Variants in MYRFL observed in about 807,000 individuals in gnomAD.
MYRFL encodes myelin regulatory factor like, also known as myelin regulatory factor-like protein.
Under a neutral mutation model 109.4 loss-of-function variants are expected in MYRFL, and 88 were observed. The observed-to-expected ratio is 0.80, with a 90% CI of 0.68 to 0.96. The LOEUF (loss-of-function observed/expected upper bound fraction) is 0.96, where lower values mean the gene tolerates loss of function less well. Among genes scored for constraint, MYRFL ranks in the 40% least tolerant of loss-of-function variants. The probability of loss-of-function intolerance (pLI) is 0.00; values close to 1 mark genes in which losing one functional copy is unlikely to be tolerated. For missense variants in MYRFL, 957 were observed against 954.9 expected, an observed-to-expected ratio of 1.00 and a Z score of -0.03; for synonymous variants, 324 against 320.9, an observed-to-expected ratio of 1.01 and a Z score of -0.10.
intron 2 of MYRFL, among the ~76,000 whole-genome samples, chr12:69,870,954 AT>A: frequency 6.6e-6 from 1 of 152,164 alleles, no homozygotes; most frequent in Admixed American, 6.5e-5. Context: ...TTTAATTGTG[AT>A]TTTCAGTTTT....
At chr12:69,927,056 T>C (rs1324022664) in intron 14 of MYRFL, among the ~76,000 whole-genome samples, 1 of 148,978 alleles carries the variant, frequency 6.7e-6, no homozygotes, top group Non-Finnish European at 1.5e-5. Flanking sequence ...GGGATTCTCC[T>C]GCCTCAACCT....
chr12:69,879,988 G>T (rs555528419), intron 4 of MYRFL, among the ~76,000 whole-genome samples: 8 of 152,090 alleles, frequency 5.3e-5, no homozygotes, highest in Non-Finnish European at 1.0e-4. Context: ...TGAGTCCTCT[G>T]CCATTATAAA....
At chr12:69,852,117 C>G (rs1330865505) in intron 1 of MYRFL, among the ~76,000 whole-genome samples, 1 of 152,186 alleles carries the variant, frequency 6.6e-6, no homozygotes, top group Non-Finnish European at 1.5e-5. Flanking sequence ...TTCCCTGATT[C>G]AGATGCCTGT....
chr12:69,927,487 A>G (rs1043293456), intron 14 of MYRFL, among the ~76,000 whole-genome samples, 198 bp from the exon 15 acceptor site: 1 of 152,148 alleles, frequency 6.6e-6, no homozygotes, highest in Non-Finnish European at 1.5e-5. Context: ...GAGAAATACA[A>G]TGTTTAATTC....
chr12:69,911,379 AAAGATT>A (rs1314357440), intron 13 of MYRFL, among the ~76,000 whole-genome samples: 1 of 152,234 alleles, frequency 6.6e-6, no homozygotes, highest in Non-Finnish European at 1.5e-5. Flanking sequence ...TAGAATGATT[AAAGATT>A]AAGTGAAGTG....
At chr12:69,870,512 C>G (rs1262539768) in intron 2 of MYRFL, among the ~76,000 whole-genome samples, 8 of 152,104 alleles carry the variant, frequency 5.3e-5, no homozygotes, top group African/African-American at 1.9e-4. Context: ...ATGTGCATTT[C>G]TGGGATTCTT....
chr12:69,928,798 G>A (rs1490507020), intron 15 of MYRFL, among the ~76,000 whole-genome samples: 1 of 152,142 alleles, frequency 6.6e-6, no homozygotes, highest in Non-Finnish European at 1.5e-5. Flanking sequence ...CACATAGTAG[G>A]TTAGTCAATA....
At chr12:69,904,083 T>C in intron 11 of MYRFL, 1 of 417,796 alleles carries the variant, frequency 2.4e-6, no homozygotes, top group Non-Finnish European at 4.3e-6. Flanking sequence ...AGACAGCATG[T>C]CATTGGCCTC....
At chr12:69,840,590 A>G (rs1157088085) in intron 1 of MYRFL, among the ~76,000 whole-genome samples, 1 of 152,206 alleles carries the variant, frequency 6.6e-6, no homozygotes, top group East Asian at 1.9e-4. Flanking sequence ...TGCCTAGCAC[A>G]CTGCTCTTCA....
chr12:69,900,673 A>G lies in MYRFL; in HGVS notation c.1183-2971A>G, dbSNP rs569738376. On this transcript the variant is annotated intron_variant, in intron 10 of 24. Transcript: ENST00000552032. ...CCTAAGAGCTGCCTTCCTCAGGTCA[A>G]GCTCTTCTATTAGTTCATTGGCTGC... Among the ~76,000 whole-genome samples the G allele has an allele frequency of 1.6e-4, 24 of 152,318 alleles. No homozygotes were observed. The South Asian group carries it at 3.7e-3, about 24-fold the overall frequency.
intron 13 of MYRFL, among the ~76,000 whole-genome samples, chr12:69,913,552 T>A (rs563024171): frequency 6.6e-6 from 1 of 152,348 alleles, no homozygotes; most frequent in East Asian, 1.9e-4. Flanking sequence ...TTGAAAAGAC[T>A]GTCCTTTTCC....
At position 69,909,936 on chromosome 12, in the gene MYRFL, C is replaced by T. The variant is rs761320260; in HGVS notation, c.1384-33C>T. 8.9e-5 allele frequency: 125 copies of T among 1,400,978 alleles called. 2 individuals are homozygous for T. Among genetic ancestry groups the T allele is most frequent in the Middle Eastern group, 5.4e-4 (3 of 5,604 alleles). The allele number at this position is 1,400,978 out of a possible 1,614,324, so 86.8% of individuals were successfully genotyped here. Reference sequence around the variant, plus strand: ...TTAATTTGAATAGCAAATATCTATGCGAGTAAAATCTGCTCTTCTTTAATT... The same window carrying T: ...TTAATTTGAATAGCAAATATCTATGTGAGTAAAATCTGCTCTTCTTTAATT... On this transcript the variant is annotated intron_variant, in intron 11 of 24. Transcript: ENST00000552032.
chr12:69,909,119 TGATTGG>T (rs1954470396), intron 11 of MYRFL, among the ~76,000 whole-genome samples: 1 of 152,218 alleles, frequency 6.6e-6, no homozygotes, highest in African/African-American at 2.4e-5. Flanking sequence ...ATGTTAAAGG[TGATTGG>T]TAAATGTTAG....
intron 5 of MYRFL, among the ~76,000 whole-genome samples, chr12:69,880,528 C>A (rs1436632956): frequency 6.6e-6 from 1 of 152,216 alleles, no homozygotes; most frequent in Non-Finnish European, 1.5e-5. Context: ...AAGTGCCAAT[C>A]TTTCAATTTC....
intron 1 of MYRFL, among the ~76,000 whole-genome samples, chr12:69,842,297 C>A (rs1019300282): frequency 1.3e-5 from 2 of 152,304 alleles, no homozygotes; most frequent in South Asian, 4.2e-4. Context: ...CATCACTCCC[C>A]TGCTTAAAGA....
intron 9 of MYRFL, among the ~76,000 whole-genome samples, chr12:69,895,995 ACT>A (rs1426296987): frequency 6.6e-6 from 1 of 151,988 alleles, no homozygotes; most frequent in Non-Finnish European, 1.5e-5. Context: ...TGAATCAAAA[ACT>A]CTGGGGATGG....
intron 2 of MYRFL, among the ~76,000 whole-genome samples, chr12:69,873,574 G>A (rs35925562): frequency 0.012 from 1,878 of 152,268 alleles, 17 homozygotes; most frequent in Non-Finnish European, 0.016. Context: ...CAGGAAATCC[G>A]TCTTTGTCTT....
intron 23 of MYRFL, 23 bp from the exon 24 acceptor site, chr12:69,958,226 A>T (rs1350382007): frequency 6.6e-7 from 1 of 1,515,950 alleles, no homozygotes; most frequent in South Asian, 1.2e-5. Context: ...TACGAAATGG[A>T]TCCTCTTTTA....
At chr12:69,913,293 G>A (rs1346492982) in intron 13 of MYRFL, among the ~76,000 whole-genome samples, 1 of 152,094 alleles carries the variant, frequency 6.6e-6, no homozygotes, top group Non-Finnish European at 1.5e-5. Flanking sequence ...ATGTACAAAA[G>A]TTTTAAATTT....
Sources: gnomAD v4.1 joint callset for allele counts (sites outside exome capture counted in the v4.1 genomes callset) on GRCh38, gnomAD v4.1.1 for gene constraint, MANE v1.5 for transcripts, NCBI Gene and HGNC (gene_info 2026-07-23, HGNC 2026-07-21) for gene names.